Variants in SLC25A21 observed in about 807,000 individuals in gnomAD.
SLC25A21 encodes the protein mitochondrial 2-oxodicarboxylate carrier.
Under a neutral mutation model 43.8 loss-of-function variants are expected in SLC25A21, and 47 were observed. That is an observed-to-expected ratio of 1.07 (90% CI 0.85 to 1.37). The LOEUF is 1.37. Ranked by LOEUF, SLC25A21 falls within the 40% of genes most tolerant of loss-of-function variation. The pLI, the probability that SLC25A21 is intolerant of heterozygous loss-of-function variation, is 0.00. For synonymous variants in SLC25A21, 131 were observed against 121.3 expected, an observed-to-expected ratio of 1.08 and a Z score of -0.52; for missense variants, 352 against 350.2, an observed-to-expected ratio of 1.00 and a Z score of -0.04.
chr14:36,731,572 G>A (rs1005628044), intron 4 of SLC25A21, among the ~76,000 whole-genome samples: 2 of 152,184 alleles, frequency 1.3e-5, no homozygotes, highest in Non-Finnish European at 2.9e-5. Context: ...GAGGCCTTAA[G>A]TATATGAGCA....
At chr14:37,049,031 AC>A (rs1317512593) in intron 1 of SLC25A21, among the ~76,000 whole-genome samples, 1 of 152,006 alleles carries the variant, frequency 6.6e-6, no homozygotes, top group Non-Finnish European at 1.5e-5. Context: ...CCCACCCAAA[AC>A]CTTGTGAATC....
chr14:37,112,286 A>G (rs1282078532), intron 1 of SLC25A21, among the ~76,000 whole-genome samples: 1 of 152,198 alleles, frequency 6.6e-6, no homozygotes, highest in East Asian at 1.9e-4. Context: ...GGACCACTGG[A>G]GAACACTAGC....
intron 1 of SLC25A21, among the ~76,000 whole-genome samples, chr14:37,162,065 T>G (rs899408315): frequency 6.6e-6 from 1 of 151,484 alleles, no homozygotes; most frequent in Admixed American, 6.6e-5. Context: ...GAGTAATGTG[T>G]CCACAGGCCA....
chr14:37,144,246 G>T (rs1566911259), intron 1 of SLC25A21, among the ~76,000 whole-genome samples: 1 of 152,082 alleles, frequency 6.6e-6, no homozygotes, highest in South Asian at 2.1e-4. Context: ...ATATGGAAAT[G>T]ATTTATTTAA....
At chr14:36,982,852 G>A (rs1168658185) in intron 1 of SLC25A21, among the ~76,000 whole-genome samples, 1 of 101,760 alleles carries the variant, frequency 9.8e-6, no homozygotes, top group Admixed American at 8.3e-5. Context: ...CAAAACAAAA[G>A]GCTAATGCAG....
intron 1 of SLC25A21, among the ~76,000 whole-genome samples, chr14:37,093,921 T>C (rs1962637559): frequency 1.3e-5 from 2 of 152,324 alleles, no homozygotes; most frequent in Non-Finnish European, 2.9e-5. Context: ...CATGATCCCA[T>C]GTTTTCTCTT....
In SLC25A21 at chr14:36,678,368, T is replaced by G; in HGVS notation, c.*2290A>C. 1 of 925,124 alleles carries G rather than the reference T, an allele frequency of 1.1e-6. No homozygotes were observed. The highest frequency in any genetic ancestry group is 1.7e-6 in the Non-Finnish European group (1 of 599,512). The allele number at this position is 925,124 out of a possible 1,614,324, so 57.3% of individuals were successfully genotyped here. On this transcript the variant is annotated 3_prime_UTR_variant, in exon 10 of 10. Transcript: ENST00000331299. ...TTCTAAAGCAACCGAAATTCAGTGCTACAAATAGAGGATTATAACTTCAGG... is the reference window on the plus strand; with the variant it reads ...TTCTAAAGCAACCGAAATTCAGTGCGACAAATAGAGGATTATAACTTCAGG...
chr14:36,963,106 T>C (rs2138676518), intron 1 of SLC25A21, among the ~76,000 whole-genome samples: 1 of 152,278 alleles, frequency 6.6e-6, no homozygotes, highest in Admixed American at 6.5e-5. Flanking sequence ...AGGTTGAAAG[T>C]CAAAATGTTC....
chr14:36,976,241 G>C (rs930667230), intron 1 of SLC25A21, among the ~76,000 whole-genome samples: 1 of 152,120 alleles, frequency 6.6e-6, no homozygotes, highest in Non-Finnish European at 1.5e-5. Context: ...ATAACGGTAG[G>C]CAGGTCCCCA....
rs1278110032 is a variant in SLC25A21 at position 36,894,281 on chromosome 14, ATT to A, written c.71-19279_71-19278del. On this transcript the variant is annotated intron_variant, in intron 1 of 9. Transcript: ENST00000331299. ...TCCCTTGTAAGTTGGATTTCTAGGT[ATT>A]TTATTCTCTTTGAAGCAATTGTGAA... is the stretch of plus-strand genomic sequence containing the variant. Among the ~76,000 whole-genome samples, 6 of 152,126 alleles carry A rather than the reference ATT, an allele frequency of 3.9e-5. No individual in the cohort carries two copies. In the South Asian group the frequency reaches 1.2e-3, roughly 32 times the overall value.
intron 2 of SLC25A21, among the ~76,000 whole-genome samples, chr14:36,850,463 T>C (rs1360958970): frequency 6.6e-6 from 1 of 152,058 alleles, no homozygotes; most frequent in Non-Finnish European, 1.5e-5. Flanking sequence ...TTGCCAGGTA[T>C]AGAAAGCAGG....
chr14:36,960,596 C>T (rs968036114), intron 1 of SLC25A21, among the ~76,000 whole-genome samples: 1 of 152,030 alleles, frequency 6.6e-6, no homozygotes, highest in East Asian at 1.9e-4. Flanking sequence ...TTGTAATTTA[C>T]CCTCCTTTCC....
At chr14:36,905,133 A>T (rs1464445213) in intron 1 of SLC25A21, among the ~76,000 whole-genome samples, 5 of 152,204 alleles carry the variant, frequency 3.3e-5, no homozygotes, top group Non-Finnish European at 7.3e-5. Flanking sequence ...TATAACAATT[A>T]CCTTGACCTA....
chr14:36,738,476 C>G (rs1454561048), intron 3 of SLC25A21, among the ~76,000 whole-genome samples: 1 of 152,206 alleles, frequency 6.6e-6, no homozygotes, highest in Non-Finnish European at 1.5e-5. Context: ...CGTCATCCCG[C>G]TTATGTCACG....
At chr14:37,171,892 GAAGA>G (rs1194549959) in intron 1 of SLC25A21, 4 of 217,830 alleles carry the variant, frequency 1.8e-5, no homozygotes, top group Non-Finnish European at 3.6e-5. Flanking sequence ...GAGCGAGCTT[GAAGA>G]AAGACTCTAC....
At chr14:36,684,496 C>CA (rs1400473403) in intron 8 of SLC25A21, among the ~76,000 whole-genome samples, 3 of 152,236 alleles carry the variant, frequency 2.0e-5, no homozygotes, top group Middle Eastern at 3.4e-3. Context: ...TACAAACTGC[C>CA]AAGTAGAAAG....
At chr14:36,760,033 A>G (rs1886084453) in intron 3 of SLC25A21, among the ~76,000 whole-genome samples, 1 of 152,130 alleles carries the variant, frequency 6.6e-6, no homozygotes, top group South Asian at 2.1e-4. Context: ...CATCTTCATA[A>G]ATGAATCAGT....
intron 5 of SLC25A21, 142 bp downstream of exon 5, chr14:36,729,365 G>C: frequency 1.7e-6 from 1 of 593,664 alleles, no homozygotes; most frequent in South Asian, 2.8e-5. Context: ...TTAGGAAGAT[G>C]GCTTTCAACA....
intron 1 of SLC25A21, among the ~76,000 whole-genome samples, chr14:37,006,235 T>C (rs1960600918): frequency 2.0e-5 from 3 of 152,166 alleles, no homozygotes; most frequent in Admixed American, 1.3e-4. Context: ...TATGTCTAAA[T>C]ATGAATACAT....
Sources: allele counts gnomAD v4.1 joint callset (sites outside exome capture counted in the v4.1 genomes callset), GRCh38; gene constraint gnomAD v4.1.1; transcripts MANE v1.5; gene names NCBI Gene and HGNC (gene_info 2026-07-23, HGNC 2026-07-21).